The following ERBB4 variants were observed in gnomAD, a reference collection of about 807,000 sequenced individuals.
The protein encoded by ERBB4 is erb-b2 receptor tyrosine kinase 4.
In ERBB4, 42 loss-of-function variants were observed where a neutral mutation model predicts 158.0. The ratio of observed to expected loss-of-function variants is 0.27; its 90% CI spans 0.21 to 0.34. The LOEUF (loss-of-function observed/expected upper bound fraction) is 0.34, where lower values mean the gene tolerates loss of function less well. Among genes scored for constraint, ERBB4 ranks in the 10% least tolerant of loss-of-function variants. The pLI is 1.00. For synonymous variants in ERBB4, 583 were observed against 558.7 expected (o/e 1.04, Z -0.61); for missense variants, 1,333 against 1,624.1 (o/e 0.82, Z 3.08).
chr2:212,037,076 A>C (rs2077032438), intron 2 of ERBB4, among the ~76,000 whole-genome samples: 2 of 151,860 alleles, frequency 1.3e-5, no homozygotes, highest in South Asian at 4.2e-4. Flanking sequence ...ACTGATAATC[A>C]ATCAGCTTTT....
rs553788808 is a variant in ERBB4, at chr2:211,843,438, G to T, written c.422-55279C>A. On this transcript the variant is annotated intron_variant, in intron 3 of 27. Coordinates refer to ENST00000342788, the MANE Select transcript of ERBB4 (RefSeq NM_005235.3). ...GTGCACACACACACACACACACACA[G>T]CATCAAACCAGGATAGTTTTGCATA... Among the ~76,000 whole-genome samples the T allele has an allele frequency of 4.4e-5, 6 of 136,066 alleles. No homozygotes were observed. In the South Asian group the frequency reaches 7.5e-4, roughly 17 times the overall value. The allele number at this position is 136,066 out of a possible 152,430, so 89.3% of individuals were successfully genotyped here.
At chr2:212,455,703 A>C (rs1365892772) in intron 1 of ERBB4, among the ~76,000 whole-genome samples, 1 of 152,118 alleles carries the variant, frequency 6.6e-6, no homozygotes, top group Non-Finnish European at 1.5e-5. Context: ...TATTTTTTTT[A>C]CTTTATTGGA....
At chr2:212,035,655 T>C (rs747147931) in intron 2 of ERBB4, among the ~76,000 whole-genome samples, 3 of 152,212 alleles carry the variant, frequency 2.0e-5, no homozygotes, top group Non-Finnish European at 2.9e-5. Flanking sequence ...TGGCAAGGAA[T>C]GTGTCATGTA....
intron 1 of ERBB4, among the ~76,000 whole-genome samples, chr2:212,209,890 C>G (rs2082878325): frequency 6.6e-6 from 1 of 151,946 alleles, no homozygotes; most frequent in Admixed American, 6.6e-5. Flanking sequence ...GAAAAGACAC[C>G]CTTTCCTCAT....
At chr2:212,060,740 C>T (rs1181138476) in intron 2 of ERBB4, among the ~76,000 whole-genome samples, 4 of 149,122 alleles carry the variant, frequency 2.7e-5, no homozygotes, top group Non-Finnish European at 4.5e-5. Context: ...TGGTCTCACT[C>T]ATAGATGGGA....
In ERBB4 at chr2:212,402,095, G is replaced by C. The variant is rs2091224006; in HGVS notation, c.82+136354C>G. 2.0e-5 allele frequency among the ~76,000 whole-genome samples: 3 copies of C among 152,024 alleles called. No individual in the cohort carries two copies. In the South Asian group the frequency reaches 6.2e-4, roughly 32 times the overall value. ...ACAGCAACTTTATTTGTAATAGTCA[G>C]AAACTGAAATCAGCCCCAATATTCT... On this transcript the variant is annotated intron_variant, in intron 1 of 27. Transcript: ENST00000342788.
chr2:212,149,679 C>T (rs2080808288), intron 1 of ERBB4, among the ~76,000 whole-genome samples: 2 of 152,084 alleles, frequency 1.3e-5, no homozygotes, highest in South Asian at 4.1e-4. Context: ...AGCCCTGTTT[C>T]TCCATTAAAT....
chr2:211,570,325 C>CTTTTTTTTTTTTTTTT (rs769458178), intron 19 of ERBB4, among the ~76,000 whole-genome samples: 3 of 105,222 alleles, frequency 2.9e-5, no homozygotes, highest in African/African-American at 7.9e-5. Flanking sequence ...CTAATTTTTG[C>CTTTTTTTTTTTTTTTT]TTTTTTTTTT....
At chr2:211,899,495 A>G (rs1168806538) in intron 3 of ERBB4, among the ~76,000 whole-genome samples, 1 of 152,174 alleles carries the variant, frequency 6.6e-6, no homozygotes, top group Non-Finnish European at 1.5e-5. Context: ...ACCCCTAAAC[A>G]GAAATTACGA....
At chr2:211,482,047 C>T (rs2065095784) in intron 20 of ERBB4, among the ~76,000 whole-genome samples, 1 of 152,082 alleles carries the variant, frequency 6.6e-6, no homozygotes, top group African/African-American at 2.4e-5. Flanking sequence ...AGGCAGTCTC[C>T]TATCTTGAGC....
intron 1 of ERBB4, among the ~76,000 whole-genome samples, chr2:212,511,868 G>A (rs1396585701): frequency 1.3e-5 from 2 of 150,944 alleles, no homozygotes; most frequent in Non-Finnish European, 2.9e-5. Flanking sequence ...GCCTTTTTGG[G>A]GATGGCATTC....
At chr2:212,475,331 C>G (rs1689333064) in intron 1 of ERBB4, among the ~76,000 whole-genome samples, 1 of 152,096 alleles carries the variant, frequency 6.6e-6, no homozygotes, top group African/African-American at 2.4e-5. Flanking sequence ...TGCACGAGGC[C>G]CTGCAAATTA....
intron 1 of ERBB4, among the ~76,000 whole-genome samples, chr2:212,340,718 C>A (rs1418414877): frequency 6.6e-6 from 1 of 152,170 alleles, no homozygotes; most frequent in Non-Finnish European, 1.5e-5. Context: ...ACAGATGAAG[C>A]TTTGCTCACC....
At chr2:211,754,407 C>CTTTTTTTTTT (rs59474280) in intron 4 of ERBB4, among the ~76,000 whole-genome samples, 4 of 138,076 alleles carry the variant, frequency 2.9e-5, no homozygotes, top group South Asian at 4.7e-4. Context: ...GCAATAATCC[C>CTTTTTTTTTT]TTTTTTTTTT....
chr2:211,428,304 G>A (rs1346313163), intron 22 of ERBB4, 104 bp downstream of exon 22: 11 of 663,386 alleles, frequency 1.7e-5, no homozygotes, highest in Non-Finnish European at 2.8e-5. Flanking sequence ...TTATCAATAG[G>A]TATTTATAAC....
chr2:211,378,723 T>C lies in ERBB4; in HGVS notation c.*4892A>G. ...CCTGATCTCATCTGTATAATATTTGTTCTTAAGCAAATAGCAACCAGGCGA... is the reference window on the plus strand; with the variant it reads ...CCTGATCTCATCTGTATAATATTTGCTCTTAAGCAAATAGCAACCAGGCGA... On this transcript the variant is annotated 3_prime_UTR_variant, in exon 28 of 28. Transcript: ENST00000342788. 4.3e-6 allele frequency: 1 copy of C among 232,836 alleles called. No individual in the cohort carries two copies. The highest frequency in any genetic ancestry group is 5.6e-5 in the Admixed American group (1 of 17,754). The allele number at this position is 232,836 out of a possible 1,614,324, so 14.4% of individuals were successfully genotyped here.
chr2:211,930,644 G>T (rs1042205003), intron 3 of ERBB4, among the ~76,000 whole-genome samples: 1 of 152,082 alleles, frequency 6.6e-6, no homozygotes, highest in Non-Finnish European at 1.5e-5. Context: ...CACTATCAGC[G>T]ATAGCCTACC....
chr2:212,256,727 C>T (rs2084753024), intron 1 of ERBB4, among the ~76,000 whole-genome samples: 1 of 152,162 alleles, frequency 6.6e-6, no homozygotes, highest in African/African-American at 2.4e-5. Flanking sequence ...AGAACCAAGA[C>T]TCCAACCTGG....
intron 1 of ERBB4, among the ~76,000 whole-genome samples, chr2:212,433,808 C>G (rs1451962908): frequency 2.0e-5 from 3 of 151,924 alleles, no homozygotes; most frequent in African/African-American, 7.2e-5. Context: ...ACATTGAACT[C>G]TCTGTATGTT....
Sources: gnomAD v4.1 joint callset for allele counts (sites outside exome capture counted in the v4.1 genomes callset) on GRCh38, gnomAD v4.1.1 for gene constraint, MANE v1.5 for transcripts, NCBI Gene and HGNC (gene_info 2026-07-23, HGNC 2026-07-21) for gene names.